The following HIBADH variants were observed in gnomAD, a reference collection of about 807,000 sequenced individuals.
The protein encoded by HIBADH is 3-hydroxyisobutyrate dehydrogenase.
In HIBADH, 25 loss-of-function variants were observed where a neutral mutation model predicts 36.1. The ratio of observed to expected loss-of-function variants is 0.69; its 90% CI spans 0.50 to 0.97. The LOEUF is 0.97. HIBADH is among the 50% of genes least tolerant of loss of function. The probability of loss-of-function intolerance (pLI) is 0.00; values close to 1 mark genes in which losing one functional copy is unlikely to be tolerated. For synonymous variants in HIBADH, 160 were observed against 149.5 expected (o/e 1.07, Z -0.51); for missense variants, 421 against 418.0 (o/e 1.01, Z -0.06).
intron 1 of HIBADH, 21 bp downstream of exon 1, chr7:27,662,677 G>C (rs1786448580): frequency 7.8e-7 from 1 of 1,281,550 alleles, no homozygotes; most frequent in African/African-American, 1.5e-5. Context: ...GGACAAGGGG[G>C]AGGAGGCGTG....
intron 1 of HIBADH, among the ~76,000 whole-genome samples, chr7:27,655,802 C>A (rs1786289746): frequency 1.3e-5 from 2 of 151,480 alleles, no homozygotes; most frequent in South Asian, 4.2e-4. Flanking sequence ...TAGAGAAATG[C>A]AAAACAAAAT....
chr7:27,582,676 C>T (rs1784810333), intron 4 of HIBADH, among the ~76,000 whole-genome samples: 1 of 152,074 alleles, frequency 6.6e-6, no homozygotes. Context: ...GGGACTTTAT[C>T]CAGGCTTCTC....
rs1344465537 is a variant in HIBADH, at chr7:27,600,159, A to C, written c.484+29212T>G. ...CATATCATCTCTCCTTCATGAAAACACTGTCATATGTTCACTTAGCATACT... is the reference window on the plus strand; with the variant it reads ...CATATCATCTCTCCTTCATGAAAACCCTGTCATATGTTCACTTAGCATACT... On this transcript the variant is annotated intron_variant, in intron 4 of 7. Transcript: ENST00000265395. Among the ~76,000 whole-genome samples, 2 of 152,156 alleles carry C rather than the reference A, an allele frequency of 1.3e-5. 1 individual carries two copies.
chr7:27,659,782 G>T (rs1268252625), intron 1 of HIBADH, among the ~76,000 whole-genome samples: 1 of 152,212 alleles, frequency 6.6e-6, no homozygotes, highest in African/African-American at 2.4e-5. Flanking sequence ...GGCAGGCTGG[G>T]CACAGTGGCT....
At chr7:27,659,796 G>T (rs1742589191) in intron 1 of HIBADH, among the ~76,000 whole-genome samples, 1 of 152,228 alleles carries the variant, frequency 6.6e-6, no homozygotes, top group Non-Finnish European at 1.5e-5. Flanking sequence ...AGTGGCTAAT[G>T]CCTGTAAGCC....
chr7:27,662,753 G>C lies in HIBADH; in HGVS notation c.36C>G (p.Ser12=). The C allele has an allele frequency of 1.4e-6, 2 of 1,437,610 alleles. No homozygotes were observed. Among genetic ancestry groups the C allele is most frequent in the Non-Finnish European group, 1.8e-6 (2 of 1,092,278 alleles). 89.1% of individuals were successfully genotyped at this position (1,437,610 alleles called of 1,614,324 possible). A position where few individuals can be genotyped will look rare whatever the true frequency, so the allele number is the denominator to read the frequency against. The part of the protein sequence containing the change: ...AASLRLLGAA[S]GLRYWSRRLR... ...GCCGCCGGCTCCAGTACCGGAGACC[G>C]GAGGCAGCTCCGAGGAGCCGTAAGG... The change falls in exon 1 of 8, where the codon TCC becomes TCG. Residue 12 remains serine (S), a synonymous_variant. Coordinates refer to ENST00000265395, the MANE Select transcript of HIBADH (RefSeq NM_152740.4).
chr7:27,659,560 T>A lies in HIBADH; in HGVS notation c.91+3138A>T, dbSNP rs562295245. ...TGAGACCCCATCTCTACAAAAAAAA[T>A]AAATAAATAAATAAAGCCAGGTGTG... On this transcript the variant is annotated intron_variant, in intron 1 of 7. Transcript: ENST00000265395. Among the ~76,000 whole-genome samples, 400 of 150,816 alleles carry A rather than the reference T, an allele frequency of 2.7e-3. 2 individuals carry two copies. The highest frequency in any genetic ancestry group is 5.9e-3 in the Admixed American group (89 of 15,122).
At chr7:27,638,556 T>C (rs1341271099) in intron 2 of HIBADH, among the ~76,000 whole-genome samples, 1 of 151,784 alleles carries the variant, frequency 6.6e-6, no homozygotes, top group African/African-American at 2.4e-5. Context: ...GACAAAGATA[T>C]CAAAAGCAAC....
chr7:27,530,525 C>T (rs1208389327), intron 7 of HIBADH, among the ~76,000 whole-genome samples: 1 of 151,846 alleles, frequency 6.6e-6, no homozygotes, highest in African/African-American at 2.4e-5. Flanking sequence ...ACTTTTTAAT[C>T]AGGAAAAACA....
chr7:27,563,715 T>C (rs1784499945), intron 4 of HIBADH, among the ~76,000 whole-genome samples: 1 of 152,200 alleles, frequency 6.6e-6, no homozygotes, highest in African/African-American at 2.4e-5. Flanking sequence ...GTGACATGTC[T>C]GTTGAAATCT....
chr7:27,542,948 A>T lies in HIBADH; in HGVS notation c.618+19T>A, dbSNP rs1451357244. The T allele has an allele frequency of 6.2e-7, 1 of 1,610,058 alleles. No individual in the cohort carries two copies. The highest frequency in any genetic ancestry group is 2.2e-5 in the East Asian group (1 of 44,810). On this transcript the variant is annotated intron_variant, in intron 5 of 7. Coordinates refer to ENST00000265395, the MANE Select transcript of HIBADH (RefSeq NM_152740.4). Reference sequence around the variant, plus strand: ...AATTTTACATCATCAAGTCAAGGTCATTAATGTAAAAATCTTACCTGCCCA... The same window carrying T: ...AATTTTACATCATCAAGTCAAGGTCTTTAATGTAAAAATCTTACCTGCCCA...
intron 4 of HIBADH, among the ~76,000 whole-genome samples, chr7:27,560,285 T>C (rs1784446176): frequency 6.6e-6 from 1 of 152,248 alleles, no homozygotes; most frequent in East Asian, 1.9e-4. Context: ...CCACGCCTAA[T>C]TTTTTGTATT....
At chr7:27,615,067 G>A (rs1785402813) in intron 4 of HIBADH, among the ~76,000 whole-genome samples, 1 of 152,170 alleles carries the variant, frequency 6.6e-6, no homozygotes, top group Non-Finnish European at 1.5e-5. Flanking sequence ...TAGCCTCTGA[G>A]GACTAGGAAA....
chr7:27,644,437 TA>T (rs1786023120), intron 2 of HIBADH, among the ~76,000 whole-genome samples: 1 of 151,954 alleles, frequency 6.6e-6, no homozygotes, highest in Admixed American at 6.6e-5. Flanking sequence ...CCATCTCTAC[TA>T]AAAATACAAA....
At chr7:27,628,475 C>T (rs940255654) in intron 4 of HIBADH, among the ~76,000 whole-genome samples, 1 of 152,060 alleles carries the variant, frequency 6.6e-6, no homozygotes, top group African/African-American at 2.4e-5. Flanking sequence ...TCTGATTACA[C>T]AGTAATTTTG....
At chr7:27,645,448 G>A (rs539855977) in intron 2 of HIBADH, among the ~76,000 whole-genome samples, 4 of 134,582 alleles carry the variant, frequency 3.0e-5, no homozygotes, top group Non-Finnish European at 6.1e-5. Flanking sequence ...TGGCAATCTC[G>A]GCTCACTGCA....
At chr7:27,536,256 TAA>T (rs1396824274) in intron 6 of HIBADH, among the ~76,000 whole-genome samples, 1 of 152,132 alleles carries the variant, frequency 6.6e-6, no homozygotes, top group Non-Finnish European at 1.5e-5. Context: ...CTTCGTAAGA[TAA>T]AGTGATAAAA....
At chr7:27,529,506 T>A (rs1249997547) in intron 7 of HIBADH, among the ~76,000 whole-genome samples, 1 of 152,178 alleles carries the variant, frequency 6.6e-6, no homozygotes, top group African/African-American at 2.4e-5. Flanking sequence ...ATGGAGAAAG[T>A]CACTGCAGAC....
intron 4 of HIBADH, among the ~76,000 whole-genome samples, chr7:27,573,924 ATTAC>A (rs1784665294): frequency 6.6e-6 from 1 of 152,164 alleles, no homozygotes; most frequent in Non-Finnish European, 1.5e-5. Flanking sequence ...TGTGTTTCTT[ATTAC>A]TTTTCTAATG....
Sources: allele counts gnomAD v4.1 joint callset (sites outside exome capture counted in the v4.1 genomes callset), GRCh38; gene constraint gnomAD v4.1.1; transcripts MANE v1.5; gene names NCBI Gene and HGNC (gene_info 2026-07-23, HGNC 2026-07-21).